IFNG-AS1: variants seen among roughly 807,000 people sequenced by gnomAD.
IFNG-AS1 encodes IFNG antisense RNA 1 (non-protein coding).
intron 3 of IFNG-AS1, among the ~76,000 whole-genome samples, chr12:68,018,454 T>C (rs1219219279): frequency 1.3e-5 from 2 of 152,170 alleles, no homozygotes; most frequent in Non-Finnish European, 2.9e-5. Flanking sequence ...ACAGCCAATG[T>C]ATAGAAAACA....
intron 3 of IFNG-AS1, among the ~76,000 whole-genome samples, chr12:68,018,957 G>C (rs76384437): frequency 0.012 from 1,898 of 152,096 alleles, 45 homozygotes; most frequent in African/African-American, 0.043. Context: ...AGTGGAAGCA[G>C]AATTTGAACT....
chr12:68,002,854 C>G (rs7962511), intron 2 of IFNG-AS1, among the ~76,000 whole-genome samples: 45,419 of 152,088 alleles, frequency 0.3, 7,050 homozygotes, highest in South Asian at 0.34. Flanking sequence ...ATTTGTGCAG[C>G]AGAAAGTATC....
intron 3 of IFNG-AS1, among the ~76,000 whole-genome samples, chr12:68,013,147 T>C (rs1424705293): frequency 6.6e-6 from 1 of 152,248 alleles, no homozygotes; most frequent in African/African-American, 2.4e-5. Flanking sequence ...TATATCATTA[T>C]CCAATTTTAT....
At chr12:68,002,044 G>T (rs11177001) in intron 2 of IFNG-AS1, among the ~76,000 whole-genome samples, 1 of 152,170 alleles carries the variant, frequency 6.6e-6, no homozygotes, top group Non-Finnish European at 1.5e-5. Flanking sequence ...GAAATAAGTT[G>T]GCAGTGTTAA....
At chr12:67,997,897 AT>A in intron 2 of IFNG-AS1, among the ~76,000 whole-genome samples, 1 of 152,188 alleles carries the variant, frequency 6.6e-6, no homozygotes, top group Non-Finnish European at 1.5e-5. Flanking sequence ...ATAGCAAAAA[AT>A]GTTTAATATC....
chr12:67,999,816 T>C (rs1440948843), intron 2 of IFNG-AS1, among the ~76,000 whole-genome samples: 1 of 152,178 alleles, frequency 6.6e-6, no homozygotes, highest in Non-Finnish European at 1.5e-5. Flanking sequence ...GAAGTCCTTA[T>C]TAAATACAAA....
chr12:68,002,281 C>T (rs147521342), intron 2 of IFNG-AS1, among the ~76,000 whole-genome samples: 3,094 of 152,286 alleles, frequency 0.02, 38 homozygotes, highest in Non-Finnish European at 0.031. Flanking sequence ...AGAGCACACA[C>T]GTGCATAGCA....
chr12:67,993,530 C>T (rs1353248369), intron 1 of IFNG-AS1, among the ~76,000 whole-genome samples: 2 of 152,198 alleles, frequency 1.3e-5, no homozygotes, highest in Non-Finnish European at 2.9e-5. Flanking sequence ...ATCTATTTCT[C>T]ATCAATCTAT....
intron 1 of IFNG-AS1, among the ~76,000 whole-genome samples, chr12:67,993,113 T>A (rs1879553484): frequency 6.6e-6 from 1 of 152,244 alleles, no homozygotes; most frequent in African/African-American, 2.4e-5. Flanking sequence ...ATCACTTTGA[T>A]AAATCTCTGA....
At chr12:67,999,868 C>T (rs977201693) in intron 2 of IFNG-AS1, among the ~76,000 whole-genome samples, 10 of 152,144 alleles carry the variant, frequency 6.6e-5, no homozygotes, top group South Asian at 4.1e-4. Flanking sequence ...CTGGCAGACA[C>T]TACCTTAACC....
intron 2 of IFNG-AS1, among the ~76,000 whole-genome samples, chr12:68,002,522 A>G (rs1377661061): frequency 6.6e-6 from 1 of 152,140 alleles, no homozygotes; most frequent in African/African-American, 2.4e-5. Context: ...TACATGGAAA[A>G]GGGGGTGGAT....
At chr12:68,019,859 C>T (rs1316637758) in intron 3 of IFNG-AS1, 1 of 152,160 alleles carries the variant, frequency 6.6e-6, no homozygotes, top group Non-Finnish European at 1.5e-5. Flanking sequence ...TCTTTTGTTA[C>T]AGGCTAGAAG....
At chr12:68,001,048 T>C (rs1402361750) in intron 2 of IFNG-AS1, among the ~76,000 whole-genome samples, 1 of 152,166 alleles carries the variant, frequency 6.6e-6, no homozygotes, top group Admixed American at 6.5e-5. Flanking sequence ...TACTCAATAG[T>C]TACCTCACAC....
Position 68,016,362 on chromosome 12 carries a change from G to C in IFNG-AS1, n.242-3500G>C, listed in dbSNP as rs187820682. Among the ~76,000 whole-genome samples, 79 of 152,212 alleles carry C rather than the reference G, an allele frequency of 5.2e-4. No individual in the cohort carries two copies. The East Asian group carries it at 0.011, about 21-fold the overall frequency. The stretch of plus-strand genomic sequence containing the variant: ...CAGACCTATTTAATTACAATTGCTT[G>C]ATGGTAGTGGTTTTAATAAGTCACC... On this transcript the variant is annotated intron_variant and non_coding_transcript_variant, in intron 3 of 5. Coordinates refer to ENST00000536914, the Ensembl canonical transcript of IFNG-AS1.
chr12:67,991,328 C>T (rs1879507057), intron 1 of IFNG-AS1, among the ~76,000 whole-genome samples: 1 of 152,152 alleles, frequency 6.6e-6, no homozygotes, highest in South Asian at 2.1e-4. Context: ...AAGGAAGTGA[C>T]TGCATAGGGT....
At chr12:68,001,198 CT>C (rs1313756110) in intron 2 of IFNG-AS1, among the ~76,000 whole-genome samples, 5 of 152,078 alleles carry the variant, frequency 3.3e-5, no homozygotes, top group African/African-American at 1.2e-4. Context: ...GCTGTCTTAA[CT>C]TTTTTTTCAA....
At chr12:68,010,324 A>C (rs1402964076) in intron 3 of IFNG-AS1, among the ~76,000 whole-genome samples, 1 of 152,206 alleles carries the variant, frequency 6.6e-6, no homozygotes, top group African/African-American at 2.4e-5. Flanking sequence ...TTAAAGAAAA[A>C]AAATTCTCAC....
chr12:67,998,654 C>G (rs1313740678), intron 2 of IFNG-AS1, among the ~76,000 whole-genome samples: 1 of 151,876 alleles, frequency 6.6e-6, no homozygotes, highest in Non-Finnish European at 1.5e-5. Flanking sequence ...TGACTAAAAT[C>G]AAGCAGGGTG....
intron 1 of IFNG-AS1, among the ~76,000 whole-genome samples, chr12:67,994,322 G>A (rs1879584482): frequency 6.6e-6 from 1 of 152,200 alleles, no homozygotes; most frequent in Admixed American, 6.5e-5. Context: ...ATAAGTCACA[G>A]AATGCCCAGT....
Sources: gnomAD v4.1 joint callset for allele counts (sites outside exome capture counted in the v4.1 genomes callset) on GRCh38, gnomAD v4.1.1 for gene constraint, MANE v1.5 for transcripts, NCBI Gene and HGNC (gene_info 2026-07-23, HGNC 2026-07-21) for gene names.